The following RYR1 variants were observed in gnomAD, a reference collection of about 807,000 sequenced individuals.
The protein encoded by RYR1 is ryanodine receptor 1.
RYR1 carries 342 observed loss-of-function variants against 583.5 expected under a neutral mutation model. The observed-to-expected ratio is 0.59, with a 90% CI of 0.54 to 0.64. RYR1 has a LOEUF of 0.64. Among genes scored for constraint, RYR1 ranks in the 30% least tolerant of loss-of-function variants. The pLI is 0.00. For synonymous variants in RYR1, 2,791 were observed against 2,822.5 expected, an observed-to-expected ratio of 0.99 and a Z score of 0.35; for missense variants, 6,032 against 6,917.2, an observed-to-expected ratio of 0.87 and a Z score of 4.54.
intron 36 of RYR1, among the ~76,000 whole-genome samples, 165 bp downstream of exon 36, chr19:38,490,441 C>T (rs1969502815): frequency 6.6e-6 from 1 of 152,228 alleles, no homozygotes; most frequent in Non-Finnish European, 1.5e-5. Flanking sequence ...CTCTGAGTCA[C>T]CTCAGACTGA....
In RYR1 at chr19:38,565,426, C is replaced by G; in HGVS notation, c.13092C>G (p.Gly4364=). The change falls in exon 91 of 106, where the codon GGC becomes GGG. Residue 4364 remains glycine, a synonymous_variant. Coordinates refer to ENST00000359596, the MANE Select transcript of RYR1 (RefSeq NM_000540.3). This position sits in a 1 kb window ranked among gnomAD's most constrained non-coding sequence, Gnocchi z 4.7. ...ALGLLWGSLF[G]GGLVEGAKKV... is the part of the protein sequence containing the mutation. ...GCCTGCTCTGGGGCTCGCTGTTCGG[C>G]GGCGGCCTGGTGGAGGGCGCCAAGA... 6.7e-7 allele frequency: 1 copy of G among 1,488,788 alleles called. No homozygotes were observed. The highest frequency in any genetic ancestry group is 2.2e-5 in the Admixed American group (1 of 45,788). 92.2% of individuals were successfully genotyped at this position (1,488,788 alleles called of 1,614,324 possible).
At chr19:38,457,194 TG>T (rs1967457120) in intron 16 of RYR1, among the ~76,000 whole-genome samples, 1 of 152,088 alleles carries the variant, frequency 6.6e-6, no homozygotes, top group African/African-American at 2.4e-5. Context: ...TGTCTCTCAC[TG>T]GTCGTTTCAG....
chr19:38,466,991 G>A (rs1295315025), intron 24 of RYR1, among the ~76,000 whole-genome samples: 1 of 152,058 alleles, frequency 6.6e-6, no homozygotes, highest in East Asian at 1.9e-4. Context: ...CCCAATGAGT[G>A]CCAACCCCAC....
intron 91 of RYR1, among the ~76,000 whole-genome samples, chr19:38,566,178 G>GTGGC (rs1973417143): frequency 1.3e-5 from 2 of 152,010 alleles, no homozygotes; most frequent in Admixed American, 1.3e-4. Context: ...GCCAGGCGCG[G>GTGGC]TGGCTTACAC....
Position 38,528,672 on chromosome 19 carries a change from G to A in RYR1, c.11011G>A (p.Asp3671Asn). ...CCTGACTGAAGACCACAGTTTTGAG[G>A]ACCGCATGATAGATGACCTTTCAGT... ...WILTEDHSFE[D>N]RMIDDLSKAG... The change falls in exon 75 of 106, where the codon GAC (aspartate) becomes AAC (asparagine). Residue 3671 changes from aspartate to asparagine, a missense_variant. Around this residue, in one of 11 missense-constraint regions of RYR1, gnomAD observed 1,493 missense variants for 1,715.5 expected, o/e 0.87. Coordinates refer to ENST00000359596, the MANE Select transcript of RYR1 (RefSeq NM_000540.3). 2 of 1,614,182 alleles carry A rather than the reference G, an allele frequency of 1.2e-6. No homozygotes were observed. The highest frequency in any genetic ancestry group is 1.7e-6 in the Non-Finnish European group (2 of 1,180,022).
chr19:38,475,096 C>T (rs1219178356), intron 28 of RYR1, among the ~76,000 whole-genome samples: 4 of 152,192 alleles, frequency 2.6e-5, no homozygotes, highest in African/African-American at 9.7e-5. Context: ...TCCATATTCC[C>T]AGAAGGCGCC....
intron 92 of RYR1, 95 bp downstream of exon 92, chr19:38,567,082 C>A: frequency 1.3e-6 from 2 of 1,536,798 alleles, no homozygotes; most frequent in Non-Finnish European, 1.8e-6. Flanking sequence ...CTGTCCTGGC[C>A]ACCCTGTGTC....
chr19:38,587,299 T>C, intron 105 of RYR1, 26 bp from the exon 106 acceptor site: 1 of 1,493,600 alleles, frequency 6.7e-7, no homozygotes, highest in Non-Finnish European at 9.3e-7. Context: ...ATGTGACCAA[T>C]GAACTCTTTC....
chr19:38,497,225 C>G (rs1358222556), intron 42 of RYR1, among the ~76,000 whole-genome samples: 1 of 151,752 alleles, frequency 6.6e-6, no homozygotes, highest in African/African-American at 2.4e-5. Flanking sequence ...CGGATCCGCA[C>G]TCTAACTTCC....
chr19:38,489,318 G>C lies in RYR1; in HGVS notation c.5689G>C (p.Glu1897Gln), dbSNP rs1250214097. 1 of 1,605,560 alleles carries C rather than the reference G, an allele frequency of 6.2e-7. No individual in the cohort carries two copies. Among genetic ancestry groups the C allele is most frequent in the African/African-American group, 1.3e-5 (1 of 74,734 alleles). The change falls in exon 35 of 106, where the codon GAG becomes CAG. Residue 1897 changes from glutamate (E) to glutamine (Q), a missense_variant. This residue lies in a region of RYR1 where 2,627 missense variants were observed against 2,961.3 expected (regional missense o/e 0.89). Transcript: ENST00000359596. Reference sequence around the variant, plus strand: ...TGAGGAGGAGAAGGAGGAGGATGAGGAGGAAACAGCACAGGAAAAGGAAGA... The same window carrying C: ...TGAGGAGGAGAAGGAGGAGGATGAGCAGGAAACAGCACAGGAAAAGGAAGA... ...EDEEEKEEDE[E>Q]ETAQEKEDEE...
In RYR1 at chr19:38,543,026, G is replaced by C. The variant is rs1473552775; in HGVS notation, c.11690-321G>C. Reference sequence around the variant, plus strand: ...CCAGCTAATTTTTGTATTTTTAGTAGAGACGGGGTTTCACCATGTTGGTCA... The same window carrying C: ...CCAGCTAATTTTTGTATTTTTAGTACAGACGGGGTTTCACCATGTTGGTCA... On this transcript the variant is annotated intron_variant, in intron 84 of 105. Coordinates refer to ENST00000359596, the MANE Select transcript of RYR1 (RefSeq NM_000540.3). This position sits in a 1 kb window ranked among gnomAD's most constrained non-coding sequence, Gnocchi z 4.4. Among the ~76,000 whole-genome samples, 3 of 151,384 alleles carry C rather than the reference G, an allele frequency of 2.0e-5. No individual in the cohort carries two copies. Among genetic ancestry groups the C allele is most frequent in the Non-Finnish European group, 2.9e-5 (2 of 67,932 alleles).
chr19:38,452,988 A>G lies in RYR1; in HGVS notation c.1414A>G (p.Asn472Asp). 6.2e-7 allele frequency: 1 copy of G among 1,613,864 alleles called. No homozygotes were observed. The highest frequency in any genetic ancestry group is 1.1e-5 in the South Asian group (1 of 91,078). The change falls in exon 13 of 106, where the codon AAC becomes GAC. Residue 472 changes from asparagine to aspartate, a missense_variant. Physicochemically the swap from Asn to Asp is conservative, Grantham distance 23 (BLOSUM62 1). Around this residue, in one of 11 missense-constraint regions of RYR1, gnomAD observed 2,627 missense variants for 2,961.3 expected, o/e 0.89. Transcript: ENST00000359596. Reference protein sequence around the residue: ...EKQSKLRSLRNRQSLFQEEGM... With the variant: ...EKQSKLRSLRDRQSLFQEEGM... ...GCAGAGCAAGCTGCGAAGCCTGCGCAACCGCCAGAGCCTCTTCCAGGAGGA... is the reference window on the plus strand; with the variant it reads ...GCAGAGCAAGCTGCGAAGCCTGCGCGACCGCCAGAGCCTCTTCCAGGAGGA...
chr19:38,499,733 C>T lies in RYR1; in HGVS notation c.7126C>T (p.Leu2376=). 6.2e-7 allele frequency: 1 copy of T among 1,601,814 alleles called. No individual in the cohort carries two copies. The change falls in exon 44 of 106, where the codon CTG becomes TTG. Residue 2376 remains leucine (L), a synonymous_variant. Coordinates refer to ENST00000359596, the MANE Select transcript of RYR1 (RefSeq NM_000540.3). This position sits in a 1 kb window ranked among gnomAD's most constrained non-coding sequence, Gnocchi z 7.3. ...PALRGEGGSG[L]LAAIEEAIRI... is the part of the protein sequence containing the mutation. ...CCTGCGGGGTGAGGGTGGCTCAGGG[C>T]TGCTGGCTGCCATCGAAGAGGCCAT...
At chr19:38,446,036 C>A (rs1972925443) in intron 7 of RYR1, among the ~76,000 whole-genome samples, 1 of 151,946 alleles carries the variant, frequency 6.6e-6, no homozygotes, top group East Asian at 1.9e-4. Context: ...AAATTCAGGC[C>A]CTAACTCCAG....
chr19:38,507,134 G>T (rs1246505527), intron 57 of RYR1, among the ~76,000 whole-genome samples, 182 bp downstream of exon 57: 1 of 146,866 alleles, frequency 6.8e-6, no homozygotes, highest in East Asian at 2.0e-4. Context: ...AGATGGGGAG[G>T]AGTTCGAAAT....
intron 29 of RYR1, among the ~76,000 whole-genome samples, chr19:38,476,548 G>T (rs887434977): frequency 2.0e-5 from 3 of 152,060 alleles, no homozygotes; most frequent in Non-Finnish European, 4.4e-5. Flanking sequence ...GGCCAGGTTG[G>T]TCTCAAATCC....
chr19:38,448,557 C>G (rs375022628), intron 10 of RYR1, 46 bp downstream of exon 10: 1 of 1,614,128 alleles, frequency 6.2e-7, no homozygotes, highest in African/African-American at 1.3e-5. Context: ...GCCCCCAGTC[C>G]CAGCCCAGCC....
In RYR1 at chr19:38,561,330, A is replaced by T; in HGVS notation, c.12500A>T (p.Glu4167Val). The T allele has an allele frequency of 6.2e-7, 1 of 1,614,026 alleles. No individual in the cohort carries two copies. The highest frequency in any genetic ancestry group is 2.2e-5 in the East Asian group (1 of 44,890). The change falls in exon 90 of 106, where the codon GAG becomes GTG. Residue 4167 changes from glutamate (E) to valine (V), a missense_variant. Physicochemically the swap from Glu to Val is moderately radical, Grantham distance 121 (BLOSUM62 -2). Around this residue, in one of 11 missense-constraint regions of RYR1, gnomAD observed 753 missense variants for 759.6 expected, o/e 0.99. Transcript: ENST00000359596. This position sits in a 1 kb window ranked among gnomAD's most constrained non-coding sequence, Gnocchi z 4.8. Reference protein sequence around the residue: ...PRLHNFLELAESILEYFRPYL... With the variant: ...PRLHNFLELAVSILEYFRPYL... ...CTGCACAACTTCCTGGAGCTGGCCG[A>T]GAGCATCCTTGAGTACTTCCGCCCC...
chr19:38,567,671 G>A, intron 92 of RYR1, 102 bp from the exon 93 acceptor site: 2 of 1,573,270 alleles, frequency 1.3e-6, no homozygotes, highest in South Asian at 1.1e-5. Flanking sequence ...ATCCAAACCT[G>A]GGCCAGGCAC....
Sources: gnomAD v4.1 joint callset for allele counts (sites outside exome capture counted in the v4.1 genomes callset) on GRCh38, gnomAD v4.1.1 for gene constraint, gnomAD v4.1.1 regional missense constraint, Gnocchi (gnomAD v3.1) non-coding constraint, MANE v1.5 for transcripts, NCBI Gene and HGNC (gene_info 2026-07-23, HGNC 2026-07-21) for gene names.